Variants in KATNAL2 observed in about 807,000 individuals in gnomAD.
The protein encoded by KATNAL2 is katanin p60 ATPase-containing subunit A-like 2.
A neutral mutation model predicts 76.3 loss-of-function variants in KATNAL2; 52 were observed. The ratio of observed to expected loss-of-function variants is 0.68; its 90% confidence interval spans 0.55 to 0.86. The LOEUF (loss-of-function observed/expected upper bound fraction) is 0.86. Ranked by LOEUF, KATNAL2 falls within the 40% of genes least tolerant of loss-of-function variation. The pLI, the probability that KATNAL2 is intolerant of heterozygous loss-of-function variation, is 0.00. For synonymous variants in KATNAL2, 243 were observed against 244.2 expected (o/e 1.00, Z 0.05); for missense variants, 660 against 668.9 (o/e 0.99, Z 0.15).
At chr18:47,064,191 T>G (rs1156949243) in intron 10 of KATNAL2, among the ~76,000 whole-genome samples, 1 of 151,020 alleles carries the variant, frequency 6.6e-6, no homozygotes, top group Non-Finnish European at 1.5e-5. Context: ...GCATAGTCCT[T>G]GCCCTCAAGA....
At chr18:46,942,919 T>G (rs1293314446) in intron 1 of KATNAL2, among the ~76,000 whole-genome samples, 1 of 152,174 alleles carries the variant, frequency 6.6e-6, no homozygotes, top group African/African-American at 2.4e-5. Context: ...TTTCTTCCTT[T>G]AAAGAATGCC....
intron 10 of KATNAL2, among the ~76,000 whole-genome samples, chr18:47,064,018 C>T (rs776285626): frequency 6.6e-6 from 1 of 152,146 alleles, no homozygotes; most frequent in African/African-American, 2.4e-5. Context: ...GAAACCTAGG[C>T]AGGCTCAGAG....
rs72917169 is a variant in KATNAL2 at position 46,939,430 on chromosome 18, T to A, written c.-509-6627T>A. 3.4e-3 allele frequency among the ~76,000 whole-genome samples: 522 copies of A among 151,902 alleles called. 2 individuals are homozygous for A. The highest frequency in any genetic ancestry group is 5.5e-3 in the Non-Finnish European group (377 of 67,968). On this transcript the variant is annotated intron_variant, in intron 1 of 17. Coordinates refer to ENST00000683218, the MANE Select transcript of KATNAL2 (RefSeq NM_001387690.1). ...AGTGGTAAAATATGGCAGAATCAAA[T>A]GTATGGAGGCTGAAACTTACAGGGT...
At chr18:47,048,947 G>A (rs897941434) in intron 4 of KATNAL2, among the ~76,000 whole-genome samples, 3 of 141,020 alleles carry the variant, frequency 2.1e-5, no homozygotes, top group African/African-American at 8.0e-5. Context: ...CCATTCTCCT[G>A]CCTCAGCCTC....
In KATNAL2 at chr18:47,101,170, T is replaced by A; in HGVS notation, c.*165T>A. ...GTTTTGGATAGCTGAGATATATTTATTAACTTACCATTATCGATGTCAGCA... is the reference window on the plus strand; with the variant it reads ...GTTTTGGATAGCTGAGATATATTTAATAACTTACCATTATCGATGTCAGCA... On this transcript the variant is annotated 3_prime_UTR_variant, in exon 18 of 18. Transcript: ENST00000683218. 1.4e-6 allele frequency: 1 copy of A among 727,154 alleles called. No individual in the cohort carries two copies. Among genetic ancestry groups the A allele is most frequent in the South Asian group, 2.0e-5 (1 of 50,390 alleles). 45.0% of individuals were successfully genotyped at this position (727,154 alleles called of 1,614,324 possible).
chr18:47,031,353 T>C (rs1463473346), intron 3 of KATNAL2, among the ~76,000 whole-genome samples: 1 of 152,168 alleles, frequency 6.6e-6, no homozygotes, highest in Non-Finnish European at 1.5e-5. Flanking sequence ...GGCTTTTGTT[T>C]CTGCTGTCGT....
rs1156486089 is a variant in KATNAL2, at chr18:47,077,399, G to C, written c.1149G>C (p.Gln383His). 2 of 1,613,976 alleles carry C rather than the reference G, an allele frequency of 1.2e-6. No homozygotes were observed. Among genetic ancestry groups the C allele is most frequent in the African/African-American group, 1.3e-5 (1 of 74,930 alleles). Residue 383 changes from glutamine to histidine, a missense_variant, in exon 15 of 18, where the codon CAG becomes CAC. Gln to His is a conservative substitution (Grantham distance 24, BLOSUM62 0). Coordinates refer to ENST00000683218, the MANE Select transcript of KATNAL2 (RefSeq NM_001387690.1). ...GGATGAAGACAGAGTTACTGGTGCA[G>C]ATGGATGGGCTGGCACGCTCAGAAG... The part of the protein sequence containing the change: ...SLRMKTELLV[Q>H]MDGLARSEDL...
intron 3 of KATNAL2, among the ~76,000 whole-genome samples, chr18:47,045,183 G>GA (rs1300483578): frequency 6.6e-6 from 1 of 151,794 alleles, no homozygotes; most frequent in Non-Finnish European, 1.5e-5. Flanking sequence ...AAGCAACTTA[G>GA]AAAAAAATTT....
Position 46,946,887 on chromosome 18 carries a change from C to G in KATNAL2, c.15C>G (p.Tyr5Ter), listed in dbSNP as rs769752806. The G allele has an allele frequency of 2.6e-6, 4 of 1,535,738 alleles. No homozygotes were observed. Among genetic ancestry groups the G allele is most frequent in the Non-Finnish European group, 3.5e-6 (4 of 1,146,580 alleles). ...CACAGTGTCTGATGGAGCTTTCCTACCAGACCCTGAAATTCACGCATCAGG... is the reference window on the plus strand; with the variant it reads ...CACAGTGTCTGATGGAGCTTTCCTAGCAGACCCTGAAATTCACGCATCAGG... The part of the protein sequence containing the change: MELS[Y>*]QTLKFTHQAR... The change falls in exon 3 of 18, where the codon TAC (tyrosine) becomes TAG (stop). Residue 5 changes from tyrosine (Y) to a stop codon, truncating the protein, a stop_gained. Transcript: ENST00000683218. LOFTEE classifies it high-confidence loss of function.
intron 3 of KATNAL2, among the ~76,000 whole-genome samples, chr18:46,957,350 G>C (rs2059788027): frequency 6.7e-6 from 1 of 149,430 alleles, no homozygotes; most frequent in Non-Finnish European, 1.5e-5. Flanking sequence ...GCCCCCCGGG[G>C]TTCACGCCAT....
chr18:46,941,187 G>C (rs1471358583), intron 1 of KATNAL2, among the ~76,000 whole-genome samples: 1 of 151,988 alleles, frequency 6.6e-6, no homozygotes, highest in Admixed American at 6.6e-5. Flanking sequence ...AGTCAGGTGA[G>C]ATGGCAAGCA....
At chr18:47,043,615 C>A (rs2061048563) in intron 3 of KATNAL2, among the ~76,000 whole-genome samples, 1 of 152,088 alleles carries the variant, frequency 6.6e-6, no homozygotes, top group Non-Finnish European at 1.5e-5. Flanking sequence ...GAAAAAGCAT[C>A]TATTGCAGGT....
intron 4 of KATNAL2, among the ~76,000 whole-genome samples, chr18:47,051,295 G>T (rs1268323508): frequency 6.6e-6 from 1 of 152,054 alleles, no homozygotes; most frequent in Admixed American, 6.6e-5. Context: ...GCTGGGCGTG[G>T]TGGTGCACGC....
intron 3 of KATNAL2, among the ~76,000 whole-genome samples, chr18:46,952,775 C>T (rs1463421187): frequency 1.3e-5 from 2 of 151,748 alleles, no homozygotes; most frequent in African/African-American, 4.8e-5. Flanking sequence ...TGCTTTCTTT[C>T]GTCTCTCTGA....
At chr18:47,075,767 C>T (rs1013055725) in intron 14 of KATNAL2, among the ~76,000 whole-genome samples, 3 of 152,202 alleles carry the variant, frequency 2.0e-5, no homozygotes, top group Non-Finnish European at 2.9e-5. Context: ...TGCAGGGCCA[C>T]GTCTGTACTT....
chr18:46,936,945 ACTT>A (rs1215085725), intron 1 of KATNAL2, among the ~76,000 whole-genome samples: 2 of 152,288 alleles, frequency 1.3e-5, no homozygotes, highest in South Asian at 2.1e-4. Flanking sequence ...ACAGAGCAAA[ACTT>A]CTTCTCAAAA....
chr18:46,942,660 A>C (rs567623663), intron 1 of KATNAL2, among the ~76,000 whole-genome samples: 1 of 152,166 alleles, frequency 6.6e-6, no homozygotes, highest in East Asian at 1.9e-4. Context: ...TTCTATTATA[A>C]TATCTTCTAT....
intron 3 of KATNAL2, among the ~76,000 whole-genome samples, chr18:47,038,128 C>G (rs1465722): frequency 0.54 from 82,466 of 152,074 alleles, 22,465 homozygotes; most frequent in East Asian, 0.66. Context: ...AGTTGAAGTA[C>G]CTGCCATTTT....
chr18:47,045,107 A>T (rs528586080), intron 3 of KATNAL2, among the ~76,000 whole-genome samples: 207 of 152,180 alleles, frequency 1.4e-3, no homozygotes, highest in African/African-American at 4.7e-3. Flanking sequence ...TCAAAAAAAA[A>T]TTAAAAAAGA....
Sources: gnomAD v4.1 joint callset for allele counts (sites outside exome capture counted in the v4.1 genomes callset) on GRCh38, gnomAD v4.1.1 for gene constraint, MANE v1.5 for transcripts, NCBI Gene and HGNC (gene_info 2026-07-23, HGNC 2026-07-21) for gene names.